FSTL4: variants seen among roughly 807,000 people sequenced by gnomAD.
FSTL4 encodes the protein follistatin-related protein 4.
In FSTL4, 28 loss-of-function variants were observed where a neutral mutation model predicts 78.2. That is an observed-to-expected ratio of 0.36 (90% CI 0.27 to 0.49). The LOEUF is 0.49. Among genes scored for constraint, FSTL4 ranks in the 20% least tolerant of loss-of-function variants. The pLI is 0.98. For synonymous variants in FSTL4, 422 were observed against 440.5 expected (o/e 0.96, Z 0.53); for missense variants, 922 against 1,084.9 (o/e 0.85, Z 2.11).
At chr5:133,672,963 A>G in the FSTL4 span, among the ~76,000 whole-genome samples, 5 of 152,350 alleles carry the variant, frequency 3.3e-5, no homozygotes, top group Non-Finnish European at 7.3e-5. Flanking sequence ...ACATCAATCA[A>G]TATATGTAAG....
intron 7 of FSTL4, chr5:133,247,748 T>C (rs989595363): frequency 3.3e-5 from 5 of 152,262 alleles, no homozygotes; most frequent in African/African-American, 9.6e-5. Flanking sequence ...CAAAATTGTA[T>C]AGGATACTGG....
intron 4 of FSTL4, 86 bp downstream of exon 4, chr5:133,400,651 AG>A (rs1458494412): frequency 7.2e-5 from 86 of 1,201,418 alleles, no homozygotes; most frequent in Non-Finnish European, 5.7e-5. Flanking sequence ...TGTAACTTGT[AG>A]ACTCAGCACC....
At position 133,223,302 on chromosome 5, in the gene FSTL4, G is replaced by A. The variant is rs190106701; in HGVS notation, c.1339+888C>T. On this transcript the variant is annotated intron_variant, in intron 11 of 15. Transcript: ENST00000265342. ...TATCATGTCAGCTTTAGTTCCTGACGTTCAGGAAATTGTTCTGAGTATGTG... is the reference window on the plus strand; with the variant it reads ...TATCATGTCAGCTTTAGTTCCTGACATTCAGGAAATTGTTCTGAGTATGTG... 1.2e-4 allele frequency among the ~76,000 whole-genome samples: 18 copies of A among 152,302 alleles called. 1 individual carries two copies. Among genetic ancestry groups the A allele is most frequent in the Admixed American group, 7.2e-4 (11 of 15,302 alleles).
At chr5:133,348,156 A>G (rs1048531565) in intron 4 of FSTL4, among the ~76,000 whole-genome samples, 7 of 152,180 alleles carry the variant, frequency 4.6e-5, no homozygotes, top group African/African-American at 1.4e-4. Flanking sequence ...AAGGTATCAA[A>G]CTCTTGGCTC....
chr5:133,618,335 A>T, the FSTL4 span, among the ~76,000 whole-genome samples: 2 of 152,214 alleles, frequency 1.3e-5, no homozygotes, highest in African/African-American at 4.8e-5. Context: ...AGGGGGAACC[A>T]CTGAAAGGAC....
chr5:133,487,647 G>A (rs1333410894), intron 3 of FSTL4, among the ~76,000 whole-genome samples: 2 of 152,148 alleles, frequency 1.3e-5, no homozygotes, highest in South Asian at 4.2e-4. Flanking sequence ...TCTCAGTAAA[G>A]GAGGGTTGGC....
chr5:133,812,937 G>GA, the FSTL4 span, among the ~76,000 whole-genome samples: 1 of 152,204 alleles, frequency 6.6e-6, no homozygotes, highest in African/African-American at 2.4e-5. Flanking sequence ...TCTGAACGAA[G>GA]AAAAAACATA....
chr5:133,447,059 T>C (rs1757280771), intron 3 of FSTL4, among the ~76,000 whole-genome samples: 1 of 152,216 alleles, frequency 6.6e-6, no homozygotes, highest in Non-Finnish European at 1.5e-5. Flanking sequence ...CCCCTGCCGA[T>C]GCTCTGAGGC....
At chr5:133,400,196 T>C (rs941042851) in intron 4 of FSTL4, among the ~76,000 whole-genome samples, 1 of 152,238 alleles carries the variant, frequency 6.6e-6, no homozygotes, top group Non-Finnish European at 1.5e-5. Flanking sequence ...AGACATGTTC[T>C]GATGTCCATG....
intron 3 of FSTL4, among the ~76,000 whole-genome samples, chr5:133,436,865 A>G (rs1757044129): frequency 1.3e-5 from 2 of 152,168 alleles, no homozygotes; most frequent in Admixed American, 1.3e-4. Context: ...ATGCAGGGAG[A>G]CTGGTTAGGA....
At chr5:133,436,963 ATGTG>A (rs1177248529) in intron 3 of FSTL4, among the ~76,000 whole-genome samples, 1 of 152,158 alleles carries the variant, frequency 6.6e-6, no homozygotes, top group African/African-American at 2.4e-5. Context: ...TGGATTTGAG[ATGTG>A]TGTAATATTT....
chr5:133,459,072 C>T (rs1757545834), intron 3 of FSTL4, among the ~76,000 whole-genome samples: 1 of 152,118 alleles, frequency 6.6e-6, no homozygotes, highest in South Asian at 2.1e-4. Flanking sequence ...ACCCCACCTG[C>T]CTCTGGAAGC....
the FSTL4 span, among the ~76,000 whole-genome samples, chr5:133,667,831 T>C: frequency 3.5e-4 from 53 of 152,242 alleles, 1 homozygote; most frequent in Admixed American, 6.5e-4. Context: ...ACAGACTCCA[T>C]AGGGACAGGG....
chr5:133,721,034 A>G, the FSTL4 span: 1 of 152,068 alleles, frequency 6.6e-6, no homozygotes, highest in Non-Finnish European at 1.5e-5. Context: ...ACTCGAAACC[A>G]GCTTCTCCTC....
chr5:133,448,958 G>A (rs2127008814), intron 3 of FSTL4, among the ~76,000 whole-genome samples: 1 of 152,184 alleles, frequency 6.6e-6, no homozygotes, highest in Admixed American at 6.5e-5. Context: ...AATTTATACT[G>A]GGGAGGTAAT....
chr5:133,600,261 T>C (rs1342656647), intron 2 of FSTL4, among the ~76,000 whole-genome samples: 1 of 152,196 alleles, frequency 6.6e-6, no homozygotes, highest in East Asian at 1.9e-4. Flanking sequence ...TGTAGGCTAA[T>C]GTCAGTGTTC....
intron 8 of FSTL4, among the ~76,000 whole-genome samples, chr5:133,230,767 A>C (rs1182095344): frequency 2.0e-5 from 3 of 152,036 alleles, no homozygotes; most frequent in Non-Finnish European, 4.4e-5. Flanking sequence ...GCCAATCTCC[A>C]CTAGAAGCCT....
At chr5:133,526,563 T>A (rs1285514529) in intron 3 of FSTL4, among the ~76,000 whole-genome samples, 1 of 152,092 alleles carries the variant, frequency 6.6e-6, no homozygotes, top group African/African-American at 2.4e-5. Context: ...TAATGACCCC[T>A]GGAGGCCATT....
chr5:133,741,154 G>A, the FSTL4 span, among the ~76,000 whole-genome samples: 2 of 152,158 alleles, frequency 1.3e-5, no homozygotes, highest in Admixed American at 6.5e-5. Flanking sequence ...TTCCAGACAC[G>A]CCTATGCCGA....
Sources: gnomAD v4.1 joint callset for allele counts (sites outside exome capture counted in the v4.1 genomes callset) on GRCh38, gnomAD v4.1.1 for gene constraint, MANE v1.5 for transcripts, NCBI Gene and HGNC (gene_info 2026-07-23, HGNC 2026-07-21) for gene names.